The following RNF24 variants were observed in gnomAD, a reference collection of about 807,000 sequenced individuals.
RNF24 encodes ring finger protein 24.
RNF24 carries 14 observed loss-of-function variants against 20.0 expected under a neutral mutation model. The ratio of observed to expected loss-of-function variants is 0.70; its 90% CI spans 0.46 to 1.10. The LOEUF (loss-of-function observed/expected upper bound fraction) is 1.10, where lower values mean the gene tolerates loss of function less well. RNF24 is among the 50% of genes least tolerant of loss of function. RNF24 has a pLI of 0.00. For missense variants in RNF24, 124 were observed against 177.6 expected (o/e 0.70, Z 1.71); for synonymous variants, 45 against 61.1 (o/e 0.74, Z 1.23).
At chr20:3,946,654 C>T (rs2091021129) in intron 3 of RNF24, among the ~76,000 whole-genome samples, 1 of 136,472 alleles carries the variant, frequency 7.3e-6, no homozygotes, top group South Asian at 2.3e-4. Flanking sequence ...GAGCTGTGAT[C>T]ATGCCACTGC....
At position 3,931,929 on chromosome 20, in the gene RNF24, T is replaced by C. The variant is rs1032707864; in HGVS notation, c.*2134A>G. 1.1e-4 allele frequency: 17 copies of C among 152,204 alleles called. No homozygotes were observed. The highest frequency in any genetic ancestry group is 3.4e-4 in the African/African-American group (14 of 41,446). The allele number at this position is 152,204 out of a possible 1,614,324, so 9.4% of individuals were successfully genotyped here. ...GGGGGATGAATTAACTTGCCTCTGTTCAAATATACAGACTTGGTGAGGCTG... is the reference window on the plus strand; with the variant it reads ...GGGGGATGAATTAACTTGCCTCTGTCCAAATATACAGACTTGGTGAGGCTG... On this transcript the variant is annotated 3_prime_UTR_variant, in exon 6 of 6. Coordinates refer to ENST00000358395, the MANE Select transcript of RNF24 (RefSeq NM_001134337.3).
intron 2 of RNF24, among the ~76,000 whole-genome samples, chr20:3,958,903 A>G (rs2091171938): frequency 6.6e-6 from 1 of 152,214 alleles, no homozygotes; most frequent in Non-Finnish European, 1.5e-5. Flanking sequence ...CGGTCTCCCA[A>G]AGTGCTGGGA....
At chr20:3,987,760 G>A (rs560812565) in intron 1 of RNF24, among the ~76,000 whole-genome samples, 2 of 152,314 alleles carry the variant, frequency 1.3e-5, no homozygotes, top group African/African-American at 2.4e-5. Flanking sequence ...AGCCTCTTCT[G>A]TGATTGTACT....
intron 1 of RNF24, among the ~76,000 whole-genome samples, chr20:4,009,927 T>G (rs1186082974): frequency 1.3e-5 from 2 of 152,172 alleles, no homozygotes; most frequent in African/African-American, 4.8e-5. Context: ...GGCGGGCACC[T>G]GTAATCCCAG....
intron 1 of RNF24, among the ~76,000 whole-genome samples, chr20:3,993,009 C>T (rs188170857): frequency 6.6e-6 from 1 of 152,258 alleles, no homozygotes; most frequent in Admixed American, 6.5e-5. Flanking sequence ...TACAATTAAT[C>T]TAGGAAAAAT....
chr20:3,955,460 C>T (rs1044874846), intron 2 of RNF24, among the ~76,000 whole-genome samples: 1 of 152,168 alleles, frequency 6.6e-6, no homozygotes, highest in African/African-American at 2.4e-5. Context: ...GGATTTATTT[C>T]TGGACTCTCA....
chr20:3,948,673 T>C (rs2091048254), intron 2 of RNF24, among the ~76,000 whole-genome samples: 1 of 152,206 alleles, frequency 6.6e-6, no homozygotes, highest in Admixed American at 6.5e-5. Context: ...CAAGACATGG[T>C]ACATTTCCAG....
chr20:3,943,578 C>G (rs1187813489), intron 4 of RNF24, among the ~76,000 whole-genome samples: 1 of 152,026 alleles, frequency 6.6e-6, no homozygotes, highest in Non-Finnish European at 1.5e-5. Context: ...AAAAGAATTT[C>G]AATGAAGAAA....
chr20:3,942,805 T>C (rs1232726395), intron 4 of RNF24, among the ~76,000 whole-genome samples: 2 of 147,180 alleles, frequency 1.4e-5, no homozygotes, highest in African/African-American at 5.0e-5. Context: ...GGAATTTACC[T>C]GGGATGAAGA....
intron 2 of RNF24, among the ~76,000 whole-genome samples, chr20:3,960,871 G>A (rs570687055): frequency 6.6e-6 from 1 of 151,894 alleles, no homozygotes; most frequent in African/African-American, 2.4e-5. Flanking sequence ...TTGGCTCAAT[G>A]CAACCTCTGC....
At chr20:3,976,676 G>A (rs970297263) in intron 1 of RNF24, among the ~76,000 whole-genome samples, 15 of 152,130 alleles carry the variant, frequency 9.9e-5, no homozygotes, top group Non-Finnish European at 1.8e-4. Flanking sequence ...TATGCACATC[G>A]TCAAATGCCA....
intron 1 of RNF24, among the ~76,000 whole-genome samples, chr20:4,007,757 A>AAC (rs1982000714): frequency 6.7e-6 from 1 of 149,946 alleles, no homozygotes; most frequent in Non-Finnish European, 1.5e-5. Flanking sequence ...AAAAAAAAAA[A>AAC]GAAAAAAAAT....
chr20:3,996,880 G>A (rs1366140762), intron 1 of RNF24, among the ~76,000 whole-genome samples: 1 of 152,162 alleles, frequency 6.6e-6, no homozygotes, highest in Non-Finnish European at 1.5e-5. Context: ...TGTCCCTGAT[G>A]CCATGAAGCT....
chr20:3,931,796 G>C lies in RNF24; in HGVS notation c.*2267C>G, dbSNP rs1049091645. On this transcript the variant is annotated 3_prime_UTR_variant, in exon 6 of 6. Transcript: ENST00000358395. ...GACCCAAGGTGGTGCTGAGTGCAGA[G>C]TGCAGAGCATTCTTGTGCTCTCCTC... The C allele has an allele frequency of 6.6e-6, 1 of 152,272 alleles. No homozygotes were observed. Among genetic ancestry groups the C allele is most frequent in the African/African-American group, 2.4e-5 (1 of 41,462 alleles). The allele number at this position is 152,272 out of a possible 1,614,324, so 9.4% of individuals were successfully genotyped here.
intron 1 of RNF24, among the ~76,000 whole-genome samples, chr20:3,989,022 A>G (rs547397510): frequency 6.6e-6 from 1 of 152,358 alleles, no homozygotes; most frequent in East Asian, 1.9e-4. Flanking sequence ...TCTTGGTTGT[A>G]AAGACGCTAA....
intron 1 of RNF24, among the ~76,000 whole-genome samples, chr20:4,003,386 G>T (rs578079044): frequency 2.0e-5 from 3 of 152,080 alleles, no homozygotes; most frequent in Non-Finnish European, 4.4e-5. Context: ...CACACACAGC[G>T]CTGACTAAGT....
chr20:3,956,685 G>A (rs566400027), intron 2 of RNF24, among the ~76,000 whole-genome samples: 4 of 151,814 alleles, frequency 2.6e-5, no homozygotes, highest in Admixed American at 1.3e-4. Context: ...CCATGAAAAC[G>A]TTGCTCATTG....
intron 1 of RNF24, among the ~76,000 whole-genome samples, chr20:3,977,681 C>T (rs951279267): frequency 5.3e-5 from 8 of 151,910 alleles, no homozygotes; most frequent in East Asian, 1.9e-4. Flanking sequence ...CTGGCTAACA[C>T]GGTGAAACCC....
chr20:3,954,520 A>T (rs1253870142), intron 2 of RNF24, among the ~76,000 whole-genome samples: 6 of 152,162 alleles, frequency 3.9e-5, no homozygotes, highest in Non-Finnish European at 8.8e-5. Context: ...CTATTATGAA[A>T]CATTTCTGTA....
Sources: gnomAD v4.1 joint callset for allele counts (sites outside exome capture counted in the v4.1 genomes callset) on GRCh38, gnomAD v4.1.1 for gene constraint, MANE v1.5 for transcripts, NCBI Gene and HGNC (gene_info 2026-07-23, HGNC 2026-07-21) for gene names.